MUC5AC: variants seen among roughly 807,000 people sequenced by gnomAD.
MUC5AC encodes the protein mucin-5AC.
MUC5AC carries 158 observed loss-of-function variants against 169.7 expected under a neutral mutation model. The observed-to-expected ratio is 0.93, with a 90% CI of 0.82 to 1.06. The LOEUF (loss-of-function observed/expected upper bound fraction) is 1.06. Among genes scored for constraint, MUC5AC ranks in the 50% least tolerant of loss-of-function variants. MUC5AC has a pLI of 0.00. For missense variants in MUC5AC, 4,359 were observed against 3,089.9 expected, an observed-to-expected ratio of 1.41 and a Z score of -9.74; for synonymous variants, 1,975 against 1,237.0, an observed-to-expected ratio of 1.60 and a Z score of -12.52.
intron 40 of MUC5AC, among the ~76,000 whole-genome samples, chr11:1,197,173 C>T (rs1042704854): frequency 6.6e-6 from 1 of 152,154 alleles, no homozygotes; most frequent in African/African-American, 2.4e-5. Flanking sequence ...GGTGCTGGCC[C>T]CGAGGCTGGC....
chr11:1,168,494 C>A lies in MUC5AC; in HGVS notation c.1509C>A (p.Ile503=), dbSNP rs1030348989. 3 of 1,612,060 alleles carry A rather than the reference C, an allele frequency of 1.9e-6. No individual in the cohort carries two copies. In the African/African-American group the frequency reaches 4.0e-5, roughly 22 times the overall value. The change falls in exon 13 of 49, where the codon ATC becomes ATA. Residue 503 remains isoleucine, a synonymous_variant. Transcript: ENST00000621226. ...SLDGAQTVVV[I]KASGEVFLNQ... is the part of the protein sequence containing the mutation. ...CTGGCTGCCCTCAGGTGGTGGTGAT[C>A]AAGGCCAGTGGGGAAGTGTTCCTGA...
chr11:1,171,633 CCACTCACCCACTCACT>C (rs1318356111), intron 15 of MUC5AC, among the ~76,000 whole-genome samples: 12 of 124,128 alleles, frequency 9.7e-5, no homozygotes, highest in Admixed American at 9.5e-4. Flanking sequence ...ACTCACTCAC[CCACTCACCCACTCACT>C]CACTCACCCA....
At chr11:1,165,244 C>A in intron 9 of MUC5AC, 58 bp from the exon 10 acceptor site, 1 of 1,499,908 alleles carries the variant, frequency 6.7e-7, no homozygotes, top group Non-Finnish European at 9.1e-7. Flanking sequence ...TGTTCCCCTG[C>A]AACGCCCACT....
chr11:1,186,382 C>T lies in MUC5AC; in HGVS notation c.8237C>T (p.Pro2746Leu). ...TTTSTTSAPTPRRTSAPTTST... is the reference protein window; with the variant it reads ...TTTSTTSAPTLRRTSAPTTST... Reference sequence around the variant, plus strand: ...ACCAGCACGACCTCTGCTCCTACACCCAGAAGAACCTCAGCCCCTACAACC... The same window carrying T: ...ACCAGCACGACCTCTGCTCCTACACTCAGAAGAACCTCAGCCCCTACAACC... Residue 2746 changes from proline (P) to leucine (L), a missense_variant, in exon 31 of 49, where the codon CCC becomes CTC. Coordinates refer to ENST00000621226, the MANE Select transcript of MUC5AC (RefSeq NM_001304359.2). 1 of 709,758 alleles carries T rather than the reference C, an allele frequency of 1.4e-6. No homozygotes were observed. The highest frequency in any genetic ancestry group is 2.6e-6 in the Non-Finnish European group (1 of 389,284). The allele number at this position is 709,758 out of a possible 1,614,324, so 44.0% of individuals were successfully genotyped here. A position where few individuals can be genotyped will look rare whatever the true frequency, so the allele number is the denominator to read the frequency against.
In MUC5AC at chr11:1,187,602, G is replaced by C. The variant is rs1554928287; in HGVS notation, c.9457G>C (p.Gly3153Arg). The change falls in exon 31 of 49, where the codon GGA becomes CGA. Residue 3153 changes from glycine to arginine, a missense_variant. Physicochemically the swap from Gly to Arg is moderately radical, Grantham distance 125. Coordinates refer to ENST00000621226, the MANE Select transcript of MUC5AC (RefSeq NM_001304359.2). ...ASTASKTSGP[G>R]TTPSPVPTTS... ...TACAGCCAGCAAAACCTCTGGTCCT[G>C]GAACCACTCCCAGCCCTGTTCCCAC... is the stretch of plus-strand genomic sequence containing the variant. The C allele has an allele frequency of 1.4e-4, 105 of 761,068 alleles. No individual in the cohort carries two copies. Among genetic ancestry groups the C allele is most frequent in the Admixed American group, 6.9e-5 (4 of 58,260 alleles). The allele number at this position is 761,068 out of a possible 1,614,324, so 47.1% of individuals were successfully genotyped here.
chr11:1,166,851 C>T (rs1860347437), intron 11 of MUC5AC, among the ~76,000 whole-genome samples: 1 of 92,512 alleles, frequency 1.1e-5, no homozygotes, highest in Non-Finnish European at 2.1e-5. Flanking sequence ...CGATGAGACC[C>T]TGCACCCAAC....
intron 38 of MUC5AC, 28 bp from the exon 39 acceptor site, chr11:1,196,589 A>C (rs1861280132): frequency 1.3e-6 from 1 of 761,442 alleles, no homozygotes; most frequent in Non-Finnish European, 2.4e-6. Flanking sequence ...GGGAAAAAGG[A>C]GACCCACCAA....
Position 1,163,917 on chromosome 11 carries a change from C to A in MUC5AC, c.715C>A (p.Gln239Lys). The A allele has an allele frequency of 6.2e-7, 1 of 1,611,028 alleles. No homozygotes were observed. Among genetic ancestry groups the A allele is most frequent in the Non-Finnish European group, 8.5e-7 (1 of 1,179,260 alleles). Reference sequence around the variant, plus strand: ...GACACCCATGGAATTCGGGAACCTGCAGAAGATGGACGACCCCACGGACCA... The same window carrying A: ...GACACCCATGGAATTCGGGAACCTGAAGAAGATGGACGACCCCACGGACCA... ...KLTPMEFGNL[Q>K]KMDDPTDQCQ... is the part of the protein sequence containing the mutation. Residue 239 changes from glutamine (Q) to lysine (K), a missense_variant, in exon 7 of 49, where the codon CAG becomes AAG. Transcript: ENST00000621226.
rs144400072 is a variant in MUC5AC at position 1,193,138 on chromosome 11, C to T, written c.14580+156C>T. 3.6e-3 allele frequency among the ~76,000 whole-genome samples: 552 copies of T among 152,376 alleles called. 2 individuals are homozygous for T. The highest frequency in any genetic ancestry group is 0.013 in the African/African-American group (527 of 41,600). ...AGGAGAGGGCCATGCTGTAGCCCGG[C>T]GTCTCTGATCACCCTGGGCTTCCCA... On this transcript the variant is annotated intron_variant, in intron 32 of 48. Coordinates refer to ENST00000621226, the MANE Select transcript of MUC5AC (RefSeq NM_001304359.2).
In MUC5AC at chr11:1,182,254, C is replaced by T. The variant is rs931667141; in HGVS notation, c.4109C>T (p.Thr1370Met). ...ACCACAGCAGGCACTTCTCCCAGGA[C>T]GAGGCTGCCCACAGCCTCTGCCTCA... ...WPTTAGTSPR[T>M]RLPTASASLP... Residue 1370 changes from threonine to methionine, a missense_variant, in exon 31 of 49, where the codon ACG (threonine) becomes ATG (methionine). Thr to Met is a moderately conservative substitution (Grantham distance 81, BLOSUM62 -1). Coordinates refer to ENST00000621226, the MANE Select transcript of MUC5AC (RefSeq NM_001304359.2). 3.2e-4 allele frequency: 127 copies of T among 398,612 alleles called. 1 individual carries two copies. The highest frequency in any genetic ancestry group is 2.2e-3 in the African/African-American group (105 of 48,756). 24.7% of individuals were successfully genotyped at this position (398,612 alleles called of 1,614,324 possible).
At position 1,198,260 on chromosome 11, in the gene MUC5AC, G is replaced by A. The variant is rs575207389; in HGVS notation, c.16136-8G>A. 6.4e-5 allele frequency: 48 copies of A among 752,778 alleles called. 1 individual carries two copies. Among genetic ancestry groups the A allele is most frequent in the South Asian group, 5.9e-4 (43 of 72,414 alleles). The allele number at this position is 752,778 out of a possible 1,614,324, so 46.6% of individuals were successfully genotyped here. On this transcript the variant is annotated splice_polypyrimidine_tract_variant and splice_region_variant and intron_variant, in intron 42 of 48. Coordinates refer to ENST00000621226, the MANE Select transcript of MUC5AC (RefSeq NM_001304359.2). ...GGGGGGTGCAGCTGCTTGTCTTCTCGTGGGCAGGCTGGACAGTGTGCAGCA... is the reference window on the plus strand; with the variant it reads ...GGGGGGTGCAGCTGCTTGTCTTCTCATGGGCAGGCTGGACAGTGTGCAGCA...
In MUC5AC at chr11:1,196,375, C is replaced by G; in HGVS notation, c.15638-13C>G. ...CCTCCCACCCTCTCAGGTGTGGCTTCCCCTCCCCACAGCATTCACCTGCCC... is the reference window on the plus strand; with the variant it reads ...CCTCCCACCCTCTCAGGTGTGGCTTGCCCTCCCCACAGCATTCACCTGCCC... On this transcript the variant is annotated splice_polypyrimidine_tract_variant and intron_variant, in intron 37 of 48. Transcript: ENST00000621226. 1 of 764,086 alleles carries G rather than the reference C, an allele frequency of 1.3e-6. No homozygotes were observed. The allele number at this position is 764,086 out of a possible 1,614,324, so 47.3% of individuals were successfully genotyped here.
intron 21 of MUC5AC, 21 bp downstream of exon 21, chr11:1,176,686 C>T (rs1055384987): frequency 7.5e-6 from 3 of 398,592 alleles, no homozygotes; most frequent in Non-Finnish European, 1.3e-5. Flanking sequence ...GGCTCAAAGC[C>T]CATGGGGGGT....
intron 5 of MUC5AC, 30 bp downstream of exon 5, chr11:1,162,676 C>T (rs768431914): frequency 1.1e-5 from 18 of 1,592,268 alleles, no homozygotes; most frequent in Admixed American, 1.0e-4. Flanking sequence ...TCCCGGTGTG[C>T]AACTCCAGCC....
Position 1,190,437 on chromosome 11 carries a change from A to G in MUC5AC, c.12292A>G (p.Thr4098Ala). ...RTTTLVTTST[T>A]STPQTSTTSA... Reference sequence around the variant, plus strand: ...AACCACTTTGGTGACAACCAGCACAACCTCCACTCCACAGACCAGCACAAC... The same window carrying G: ...AACCACTTTGGTGACAACCAGCACAGCCTCCACTCCACAGACCAGCACAAC... Residue 4098 changes from threonine (T) to alanine (A), a missense_variant, in exon 31 of 49, where the codon ACC (threonine) becomes GCC (alanine). Physicochemically the swap from Thr to Ala is moderately conservative, Grantham distance 58. Transcript: ENST00000621226. 1.5e-6 allele frequency: 1 copy of G among 680,750 alleles called. No homozygotes were observed. The highest frequency in any genetic ancestry group is 2.7e-6 in the Non-Finnish European group (1 of 374,204). 42.2% of individuals were successfully genotyped at this position (680,750 alleles called of 1,614,324 possible).
In MUC5AC at chr11:1,161,556, C is replaced by G. The variant is rs764746114; in HGVS notation, c.181C>G (p.Pro61Ala). ...CCCGCTCCGTGGGGCGACTGTCTTC[C>G]CATCTCTGAGGACCATCCCTGTGGT... ...GVPLRGATVF[P>A]SLRTIPVVRA... The change falls in exon 3 of 49, where the codon CCA (proline) becomes GCA (alanine). Residue 61 changes from proline (P) to alanine (A), a missense_variant. Coordinates refer to ENST00000621226, the MANE Select transcript of MUC5AC (RefSeq NM_001304359.2). The G allele has an allele frequency of 1.2e-6, 2 of 1,609,992 alleles. No homozygotes were observed. Among genetic ancestry groups the G allele is most frequent in the South Asian group, 1.1e-5 (1 of 90,954 alleles).
Position 1,199,859 on chromosome 11 carries a change from G to C in MUC5AC, c.16590G>C (p.Ser5530=), listed in dbSNP as rs371383651. 9.2e-6 allele frequency: 7 copies of C among 763,350 alleles called. No homozygotes were observed. Among genetic ancestry groups the C allele is most frequent in the Non-Finnish European group, 1.7e-5 (7 of 417,180 alleles). The allele number at this position is 763,350 out of a possible 1,614,324, so 47.3% of individuals were successfully genotyped here. The part of the protein sequence containing the change: ...PPPPPPYQNQ[S]TCAVYHRSLI... ...AAACCCTGTGTTCCTCTCCAGAGTC[G>C]ACCTGTGCTGTGTACCATAGGAGCC... The change falls in exon 48 of 49, where the codon TCG becomes TCC. Residue 5530 remains serine (S), a synonymous_variant. Transcript: ENST00000621226.
Position 1,181,138 on chromosome 11 carries a change from G to A in MUC5AC, c.3777-1G>A. On this transcript the variant is annotated splice_acceptor_variant, in intron 28 of 48. Transcript: ENST00000621226. LOFTEE classifies it high-confidence loss of function. ...GGCCTGCCCTTCTTCCTTGTCTCCA[G>A]CCTTTGTACGGAGCGCGGCGTGGAG... The A allele has an allele frequency of 5.0e-6, 2 of 398,564 alleles. No individual in the cohort carries two copies. The highest frequency in any genetic ancestry group is 7.1e-5 in the East Asian group (2 of 28,062). The allele number at this position is 398,564 out of a possible 1,614,324, so 24.7% of individuals were successfully genotyped here. A position where few individuals can be genotyped will look rare whatever the true frequency, so the allele number is the denominator to read the frequency against.
intron 27 of MUC5AC, 37 bp from the exon 28 acceptor site, chr11:1,180,317 T>C: frequency 2.5e-6 from 1 of 398,682 alleles, no homozygotes; most frequent in Admixed American, 4.4e-5. Context: ...TGGACGACAC[T>C]CGGTCTGGTT....
Sources: allele counts gnomAD v4.1 joint callset (sites outside exome capture counted in the v4.1 genomes callset), GRCh38; gene constraint gnomAD v4.1.1; transcripts MANE v1.5; gene names NCBI Gene and HGNC (gene_info 2026-07-23, HGNC 2026-07-21).